MDGA2: variants seen among roughly 807,000 people sequenced by gnomAD.
MDGA2 encodes the protein MAM domain containing glycosylphosphatidylinositol anchor 2.
Under a neutral mutation model 117.8 loss-of-function variants are expected in MDGA2, and 40 were observed. The ratio of observed to expected loss-of-function variants is 0.34; its 90% CI spans 0.26 to 0.44. MDGA2 has a LOEUF of 0.44. Ranked by LOEUF, MDGA2 falls within the 20% of genes least tolerant of loss-of-function variation. The pLI is 1.00. For synonymous variants in MDGA2, 452 were observed against 439.0 expected, an observed-to-expected ratio of 1.03 and a Z score of -0.37; for missense variants, 1,123 against 1,250.6, an observed-to-expected ratio of 0.90 and a Z score of 1.54.
intron 2 of MDGA2, among the ~76,000 whole-genome samples, chr14:47,235,957 G>A (rs911946116): frequency 6.6e-6 from 1 of 151,952 alleles, no homozygotes; most frequent in Non-Finnish European, 1.5e-5. Flanking sequence ...CCAATGCGTG[G>A]GTCCAAGGGT....
At chr14:47,188,858 A>T (rs1375766748) in intron 3 of MDGA2, among the ~76,000 whole-genome samples, 1 of 152,144 alleles carries the variant, frequency 6.6e-6, no homozygotes, top group Non-Finnish European at 1.5e-5. Flanking sequence ...ACATTCCAAC[A>T]TGCTGGAGAA....
At chr14:46,989,891 G>T (rs1156317590) in intron 8 of MDGA2, among the ~76,000 whole-genome samples, 1 of 152,038 alleles carries the variant, frequency 6.6e-6, no homozygotes, top group East Asian at 1.9e-4. Flanking sequence ...TAGTTGAACT[G>T]AAATTTCTGG....
intron 1 of MDGA2, among the ~76,000 whole-genome samples, chr14:47,362,020 G>C (rs1031572250): frequency 6.6e-6 from 1 of 152,094 alleles, no homozygotes; most frequent in Non-Finnish European, 1.5e-5. Context: ...AAAATAGAAA[G>C]TTTGTAACCT....
intron 14 of MDGA2, among the ~76,000 whole-genome samples, chr14:46,863,294 G>T (rs10129983): frequency 0.02 from 3,098 of 152,076 alleles, 103 homozygotes; most frequent in African/African-American, 0.07. Context: ...CCTACATTTT[G>T]ATACATATTA....
intron 2 of MDGA2, among the ~76,000 whole-genome samples, chr14:47,256,422 A>T (rs1426016413): frequency 6.6e-6 from 1 of 151,952 alleles, no homozygotes; most frequent in Non-Finnish European, 1.5e-5. Context: ...TGCTCCTATG[A>T]CCCTTTCTTT....
intron 1 of MDGA2, among the ~76,000 whole-genome samples, chr14:47,611,757 T>C (rs1007060077): frequency 4.6e-5 from 7 of 152,138 alleles, no homozygotes; most frequent in African/African-American, 1.7e-4. Context: ...CTTAAGTGCT[T>C]GGAAAGCCAC....
intron 10 of MDGA2, among the ~76,000 whole-genome samples, chr14:46,894,948 A>C (rs1039481427): frequency 1.3e-5 from 2 of 152,142 alleles, no homozygotes; most frequent in African/African-American, 2.4e-5. Context: ...CTAAAAATTA[A>C]TTTTGTTATA....
intron 3 of MDGA2, among the ~76,000 whole-genome samples, chr14:47,208,208 T>C (rs1885756124): frequency 6.6e-6 from 1 of 152,074 alleles, no homozygotes; most frequent in Non-Finnish European, 1.5e-5. Flanking sequence ...ACAATGGATA[T>C]TTAAAGTACT....
At chr14:47,520,819 G>A (rs554096309) in intron 1 of MDGA2, among the ~76,000 whole-genome samples, 5 of 152,190 alleles carry the variant, frequency 3.3e-5, no homozygotes, top group Admixed American at 1.3e-4. Flanking sequence ...TGAAAAACTT[G>A]AATAAACTTC....
chr14:46,944,666 C>T (rs1168358685), intron 9 of MDGA2, among the ~76,000 whole-genome samples: 8 of 151,902 alleles, frequency 5.3e-5, no homozygotes, highest in Non-Finnish European at 1.0e-4. Flanking sequence ...GTTGTATCAG[C>T]TCTTTCAATT....
At chr14:47,363,500 C>T (rs1213200925) in intron 1 of MDGA2, among the ~76,000 whole-genome samples, 2 of 152,012 alleles carry the variant, frequency 1.3e-5, no homozygotes, top group African/African-American at 2.4e-5. Context: ...TCAAGTGATT[C>T]GCACACCTCA....
At chr14:47,532,939 C>A (rs1895129511) in intron 1 of MDGA2, among the ~76,000 whole-genome samples, 2 of 152,218 alleles carry the variant, frequency 1.3e-5, no homozygotes, top group Admixed American at 1.3e-4. Context: ...CCTATGGCCT[C>A]CAAAACATCA....
chr14:47,595,564 A>AAC lies in MDGA2; in HGVS notation c.280+78952_280+78953insGT, dbSNP rs1555334808. 2.0e-3 allele frequency among the ~76,000 whole-genome samples: 289 copies of AAC among 146,664 alleles called. 4 individuals are homozygous for AAC. The highest frequency in any genetic ancestry group is 5.4e-3 in the African/African-American group (215 of 39,706). Reference sequence around the variant, plus strand: ...CCAAAAAACAAAAAAAAACAAAAAAAAAAAAAACCCAGCAACCCATAAAAA... The same window carrying AAC: ...CCAAAAAACAAAAAAAAACAAAAAAAACAAAAAAACCCAGCAACCCATAAAAA... On this transcript the variant is annotated intron_variant, in intron 1 of 16. Coordinates refer to ENST00000399232, the MANE Select transcript of MDGA2 (RefSeq NM_001113498.3).
chr14:47,337,868 C>G (rs774470900), intron 1 of MDGA2, among the ~76,000 whole-genome samples: 63 of 152,092 alleles, frequency 4.1e-4, no homozygotes, highest in Middle Eastern at 3.4e-3. Flanking sequence ...CATGTCACAC[C>G]TGCATTGCCC....
intron 6 of MDGA2, among the ~76,000 whole-genome samples, chr14:47,089,738 G>A (rs1402111046): frequency 6.6e-6 from 1 of 151,918 alleles, no homozygotes; most frequent in Non-Finnish European, 1.5e-5. Flanking sequence ...CCTTTGTAGG[G>A]ACATGGAGGA....
intron 2 of MDGA2, among the ~76,000 whole-genome samples, chr14:47,239,237 G>T (rs1886963759): frequency 6.6e-6 from 1 of 150,530 alleles, no homozygotes; most frequent in South Asian, 2.1e-4. Flanking sequence ...AAAAAAAAGG[G>T]CTCTGATAAG....
intron 3 of MDGA2, among the ~76,000 whole-genome samples, chr14:47,172,195 T>A (rs1309893626): frequency 6.6e-6 from 1 of 152,164 alleles, no homozygotes; most frequent in Admixed American, 6.5e-5. Flanking sequence ...TGCCTGCCTC[T>A]GTAGGCCCCG....
intron 3 of MDGA2, among the ~76,000 whole-genome samples, chr14:47,158,363 GGTGTGTGTGT>G (rs34198544): frequency 1.4e-5 from 2 of 146,682 alleles, no homozygotes; most frequent in African/African-American, 5.1e-5. Context: ...CCCTGGGGTG[GGTGTGTGTGT>G]GTGTGTGTGT....
chr14:47,100,026 T>C (rs941755919), intron 5 of MDGA2, among the ~76,000 whole-genome samples: 1 of 152,042 alleles, frequency 6.6e-6, no homozygotes, highest in Non-Finnish European at 1.5e-5. Flanking sequence ...CACTATAGAA[T>C]ACAGTTATTC....
Sources: allele counts gnomAD v4.1 joint callset (sites outside exome capture counted in the v4.1 genomes callset), GRCh38; gene constraint gnomAD v4.1.1; transcripts MANE v1.5; gene names NCBI Gene and HGNC (gene_info 2026-07-23, HGNC 2026-07-21).